Variants in SLC9A9 observed in about 807,000 individuals in gnomAD.
The protein encoded by SLC9A9 is solute carrier family 9 member A9.
SLC9A9 carries 62 observed loss-of-function variants against 77.8 expected under a neutral mutation model. That is an observed-to-expected ratio of 0.80 (90% confidence interval 0.65 to 0.98). SLC9A9 has a LOEUF of 0.98. Ranked by LOEUF, SLC9A9 falls within the 50% of genes least tolerant of loss-of-function variation. The probability of loss-of-function intolerance (pLI) is 0.00; values close to 1 mark genes in which losing one functional copy is unlikely to be tolerated. For synonymous variants in SLC9A9, 320 were observed against 283.5 expected, an observed-to-expected ratio of 1.13 and a Z score of -1.29; for missense variants, 775 against 774.9, an observed-to-expected ratio of 1.00 and a Z score of 0.00.
intron 14 of SLC9A9, among the ~76,000 whole-genome samples, chr3:143,317,360 C>G (rs750556680): frequency 6.6e-6 from 1 of 152,124 alleles, no homozygotes; most frequent in Non-Finnish European, 1.5e-5. Context: ...AACAGCCCTC[C>G]CAGGAGCCCA....
Position 143,266,703 on chromosome 3 carries a change from T to G in SLC9A9, c.1937A>C (p.Ter646SerextTer3). 6.2e-7 allele frequency: 1 copy of G among 1,614,122 alleles called. No homozygotes were observed. Among genetic ancestry groups the G allele is most frequent in the Non-Finnish European group, 8.5e-7 (1 of 1,179,998 alleles). The change falls in exon 16 of 16, where the codon TAA becomes TCA. Residue 646 changes from the stop codon to serine (S), a stop_lost. Coordinates refer to ENST00000316549, the MANE Select transcript of SLC9A9 (RefSeq NM_173653.4). ...TTACATCTGTACTCTTCATGCCAAT[T>G]AATTCAACTGGGATTGACCCAAAGT... ...EQTLGQSQLN* is the reference protein window; with the variant it reads ...EQTLGQSQLNS
At chr3:143,303,578 G>A (rs1310621667) in intron 14 of SLC9A9, among the ~76,000 whole-genome samples, 1 of 152,170 alleles carries the variant, frequency 6.6e-6, no homozygotes, top group Non-Finnish European at 1.5e-5. Context: ...TTAAGCAAGG[G>A]AAAGACACAG....
intron 9 of SLC9A9, among the ~76,000 whole-genome samples, chr3:143,537,518 T>C (rs970185391): frequency 1.3e-5 from 2 of 152,228 alleles, no homozygotes; most frequent in Admixed American, 1.3e-4. Flanking sequence ...GAGTATCTGC[T>C]ATGTTTTCTG....
intron 12 of SLC9A9, among the ~76,000 whole-genome samples, chr3:143,448,407 T>C (rs1475499894): frequency 5.9e-5 from 9 of 152,078 alleles, no homozygotes; most frequent in Non-Finnish European, 1.3e-4. Flanking sequence ...ACAAAGCTTA[T>C]CAAGATGTTT....
intron 6 of SLC9A9, among the ~76,000 whole-genome samples, chr3:143,640,512 G>A (rs2038603680): frequency 6.6e-6 from 1 of 152,104 alleles, no homozygotes; most frequent in Non-Finnish European, 1.5e-5. Flanking sequence ...GAGCTACTAT[G>A]ACTGAGTGAT....
chr3:143,652,957 A>G (rs928494917), intron 5 of SLC9A9, among the ~76,000 whole-genome samples: 1 of 152,150 alleles, frequency 6.6e-6, no homozygotes, highest in African/African-American at 2.4e-5. Context: ...CTTACCACAG[A>G]AAGGACTGGG....
intron 11 of SLC9A9, among the ~76,000 whole-genome samples, chr3:143,478,918 TA>T (rs2035526601): frequency 1.3e-5 from 2 of 152,338 alleles, no homozygotes; most frequent in East Asian, 1.9e-4. Context: ...TTAATTTGGT[TA>T]AAACTATCAG....
intron 4 of SLC9A9, among the ~76,000 whole-genome samples, chr3:143,777,552 A>C (rs1330967970): frequency 6.6e-6 from 1 of 152,184 alleles, no homozygotes; most frequent in African/African-American, 2.4e-5. Context: ...GCTATAACAT[A>C]AAAATGATTT....
At chr3:143,689,647 T>G (rs975191902) in intron 5 of SLC9A9, among the ~76,000 whole-genome samples, 6 of 150,768 alleles carry the variant, frequency 4.0e-5, no homozygotes, top group African/African-American at 1.2e-4. Context: ...TGGGCTCAAG[T>G]GATCCTCTCA....
At chr3:143,276,956 T>C (rs1370402130) in intron 14 of SLC9A9, among the ~76,000 whole-genome samples, 1 of 152,214 alleles carries the variant, frequency 6.6e-6, no homozygotes, top group Non-Finnish European at 1.5e-5. Flanking sequence ...TAAAGGCTGA[T>C]AAAGTGGTAT....
At chr3:143,686,958 GTATT>G (rs1476217964) in intron 5 of SLC9A9, among the ~76,000 whole-genome samples, 2 of 152,048 alleles carry the variant, frequency 1.3e-5, no homozygotes, top group Non-Finnish European at 2.9e-5. Context: ...AGCCCTCTGT[GTATT>G]TCTTTCTTTC....
At chr3:143,792,761 C>G (rs1230287817) in intron 4 of SLC9A9, among the ~76,000 whole-genome samples, 1 of 152,182 alleles carries the variant, frequency 6.6e-6, no homozygotes, top group Admixed American at 6.5e-5. Flanking sequence ...AAGCTAATGA[C>G]TCTACATTTA....
chr3:143,374,891 G>A (rs937600605), intron 13 of SLC9A9, among the ~76,000 whole-genome samples: 5 of 151,790 alleles, frequency 3.3e-5, no homozygotes, highest in African/African-American at 1.2e-4. Flanking sequence ...TCTATTTTAT[G>A]TACCCATTAA....
At chr3:143,448,223 G>C (rs1002816001) in intron 12 of SLC9A9, among the ~76,000 whole-genome samples, 3 of 152,014 alleles carry the variant, frequency 2.0e-5, no homozygotes, top group Non-Finnish European at 4.4e-5. Context: ...CTGGGCCCTG[G>C]GTAATAAATG....
At chr3:143,778,357 T>C (rs1455522522) in intron 4 of SLC9A9, among the ~76,000 whole-genome samples, 1 of 152,226 alleles carries the variant, frequency 6.6e-6, no homozygotes, top group Non-Finnish European at 1.5e-5. Context: ...AAAATATGCT[T>C]CAACTATCTA....
chr3:143,589,665 A>G (rs1310448323), intron 6 of SLC9A9, among the ~76,000 whole-genome samples: 1 of 152,260 alleles, frequency 6.6e-6, no homozygotes, highest in Non-Finnish European at 1.5e-5. Flanking sequence ...AGCATTTCTT[A>G]GAATATATCC....
intron 14 of SLC9A9, among the ~76,000 whole-genome samples, chr3:143,289,484 C>T (rs1305470727): frequency 2.0e-5 from 3 of 152,118 alleles, no homozygotes; most frequent in Admixed American, 6.5e-5. Context: ...CTCACTGTAT[C>T]GCTTTCTCCC....
chr3:143,827,255 A>G (rs2009323014), intron 2 of SLC9A9, among the ~76,000 whole-genome samples: 1 of 152,218 alleles, frequency 6.6e-6, no homozygotes, highest in African/African-American at 2.4e-5. Flanking sequence ...GGTATCTTGT[A>G]TACACAGAAC....
At chr3:143,450,323 T>C (rs9289661) in intron 12 of SLC9A9, among the ~76,000 whole-genome samples, 114,619 of 148,266 alleles carry the variant, frequency 0.77, 45,505 homozygotes, top group East Asian at 1. Flanking sequence ...TATATTAGTT[T>C]GTTATTCAGT....
Sources: allele counts gnomAD v4.1 joint callset (sites outside exome capture counted in the v4.1 genomes callset), GRCh38; gene constraint gnomAD v4.1.1; transcripts MANE v1.5; gene names NCBI Gene and HGNC (gene_info 2026-07-23, HGNC 2026-07-21).